The following IFI16 variants were observed in gnomAD, a reference collection of about 807,000 sequenced individuals.
IFI16 encodes the protein gamma-interferon-inducible protein 16.
In IFI16, 49 loss-of-function variants were observed where a neutral mutation model predicts 68.4. The observed-to-expected ratio is 0.72, with a 90% confidence interval of 0.57 to 0.91. IFI16 has a LOEUF of 0.91. Among genes scored for constraint, IFI16 ranks in the 40% least tolerant of loss-of-function variants. The pLI is 0.00. For missense variants in IFI16, 878 were observed against 942.9 expected, an observed-to-expected ratio of 0.93 and a Z score of 0.90; for synonymous variants, 307 against 315.0, an observed-to-expected ratio of 0.97 and a Z score of 0.27.
In IFI16 at chr1:159,016,597, C is replaced by T; in HGVS notation, c.446C>T (p.Thr149Ile). ...GGGAGTAAGGTGTCCGAGGAACAGA[C>T]TCAGCCTCCCTCTCCTGCAGGAGCC... is the stretch of plus-strand genomic sequence containing the variant. ...PKGSKVSEEQ[T>I]QPPSPAGAGM... The change falls in exon 4 of 12, where the codon ACT (threonine) becomes ATT (isoleucine). Residue 149 changes from threonine to isoleucine, a missense_variant. Thr to Ile is a moderately conservative substitution (Grantham distance 89). Transcript: ENST00000295809. 1 of 1,614,144 alleles carries T rather than the reference C, an allele frequency of 6.2e-7. No homozygotes were observed. Among genetic ancestry groups the T allele is most frequent in the Non-Finnish European group, 8.5e-7 (1 of 1,179,984 alleles).
intron 2 of IFI16, 97 bp downstream of exon 2, chr1:159,015,042 TTCCCCAG>T: frequency 8.2e-7 from 1 of 1,219,684 alleles, no homozygotes; most frequent in Admixed American, 2.3e-5. Flanking sequence ...GAGATGTGTT[TTCCCCAG>T]TTTGTGACTC....
chr1:159,020,385 T>A lies in IFI16; in HGVS notation c.1017T>A (p.Asp339Glu). ...QKTTIYEIQD[D>E]RGKMDVVGTG... ...CCACAATCTACGAAATTCAGGATGA[T>A]AGAGGAAAAATGGATGTAGTGGGGA... Residue 339 changes from aspartate to glutamate, a missense_variant, in exon 6 of 12, where the codon GAT becomes GAA. Asp to Glu is a conservative substitution (Grantham distance 45). Around this residue, in one of 4 missense-constraint regions of IFI16, gnomAD observed 443 missense variants for 421.8 expected, o/e 1.05. Transcript: ENST00000295809. The A allele has an allele frequency of 1.9e-6, 3 of 1,612,380 alleles. No individual in the cohort carries two copies. Among genetic ancestry groups the A allele is most frequent in the Non-Finnish European group, 2.5e-6 (3 of 1,179,152 alleles).
At chr1:159,028,925 G>T (rs1653829518) in intron 6 of IFI16, among the ~76,000 whole-genome samples, 1 of 152,084 alleles carries the variant, frequency 6.6e-6, no homozygotes, top group South Asian at 2.1e-4. Flanking sequence ...CTTGGTTGGT[G>T]AATTCTTATT....
chr1:159,031,560 C>G (rs1429800133), intron 6 of IFI16, among the ~76,000 whole-genome samples: 1 of 152,206 alleles, frequency 6.6e-6, no homozygotes, highest in Non-Finnish European at 1.5e-5. Flanking sequence ...CTAAATTCAC[C>G]TTAGCTCCAG....
chr1:159,020,499 A>G lies in IFI16; in HGVS notation c.1131A>G (p.Lys377=). Residue 377 remains lysine, a synonymous_variant, in exon 6 of 12, where the codon AAA becomes AAG. Transcript: ENST00000295809. ...FRLRKKNQMS[K]LISEMHSFIQ... is the part of the protein sequence containing the mutation. ...TTAGAAAAAAGAACCAGATGTCAAA[A>G]CTGATTTCAGAAATGCATAGTTTTA... is the stretch of plus-strand genomic sequence containing the variant. 6.2e-7 allele frequency: 1 copy of G among 1,612,520 alleles called. No homozygotes were observed. Among genetic ancestry groups the G allele is most frequent in the South Asian group, 1.1e-5 (1 of 90,852 alleles).
At chr1:159,031,867 G>A (rs577128048) in intron 6 of IFI16, among the ~76,000 whole-genome samples, 1 of 152,282 alleles carries the variant, frequency 6.6e-6, no homozygotes, top group Admixed American at 6.5e-5. Context: ...AAATTAGGAG[G>A]GTGGGGAACC....
upstream of IFI16, among the ~76,000 whole-genome samples, chr1:159,001,122 A>G (rs940621277): frequency 4.6e-5 from 7 of 152,272 alleles, no homozygotes; most frequent in Non-Finnish European, 1.0e-4. Flanking sequence ...TAGGCAATGT[A>G]TATAATTCAG....
chr1:159,048,729 T>C (rs1475323673), intron 8 of IFI16, among the ~76,000 whole-genome samples: 1 of 151,600 alleles, frequency 6.6e-6, no homozygotes, highest in Non-Finnish European at 1.5e-5. Context: ...GGGTGAATAT[T>C]TTTTGGACTT....
intron 1 of IFI16, among the ~76,000 whole-genome samples, chr1:159,012,758 C>A (rs945971171): frequency 1.3e-5 from 2 of 151,966 alleles, no homozygotes; most frequent in Non-Finnish European, 2.9e-5. Flanking sequence ...ACCAATTAGG[C>A]GGGAAGGCAT....
At chr1:159,005,760 T>C (rs573160413), upstream of IFI16, among the ~76,000 whole-genome samples, 1 of 152,318 alleles carries the variant, frequency 6.6e-6, no homozygotes, top group East Asian at 1.9e-4. Context: ...GGAAAATGCA[T>C]ACTGGCACCA....
chr1:159,025,490 T>TA (rs1557869684), intron 6 of IFI16, among the ~76,000 whole-genome samples: 1 of 152,224 alleles, frequency 6.6e-6, no homozygotes. Context: ...GACCATAAAG[T>TA]AAAACTTTTA....
intron 4 of IFI16, among the ~76,000 whole-genome samples, chr1:159,017,066 C>G (rs1167540959): frequency 1.3e-5 from 2 of 152,194 alleles, no homozygotes; most frequent in East Asian, 3.8e-4. Flanking sequence ...TGAGGTTATC[C>G]ATACCCTCAG....
chr1:159,024,591 G>A (rs1653534819), intron 6 of IFI16, among the ~76,000 whole-genome samples: 1 of 152,162 alleles, frequency 6.6e-6, no homozygotes, highest in Non-Finnish European at 1.5e-5. Flanking sequence ...GCAGAAAATC[G>A]ATGCCTTGGC....
rs1557865656 is a variant in IFI16 at position 159,018,671 on chromosome 1, T to C, written c.972+20T>C. 4 of 1,541,360 alleles carry C rather than the reference T, an allele frequency of 2.6e-6. No individual in the cohort carries two copies. Among genetic ancestry groups the C allele is most frequent in the Admixed American group, 2.0e-5 (1 of 50,488 alleles). ...CATAAGGTAAGTCCTCAAAATTGTT[T>C]CGTTTCATTTTTCCACCAACACCTG... On this transcript the variant is annotated intron_variant, in intron 5 of 11. Transcript: ENST00000295809.
intron 7 of IFI16, among the ~76,000 whole-genome samples, chr1:159,035,643 G>C (rs60782895): frequency 0.99 from 150,352 of 152,306 alleles, 74,236 homozygotes; most frequent in East Asian, 1. Flanking sequence ...CTAGTGACTC[G>C]CAGGTGAGTA....
At chr1:159,042,452 C>T (rs553554973) in intron 7 of IFI16, among the ~76,000 whole-genome samples, 1 of 152,270 alleles carries the variant, frequency 6.6e-6, no homozygotes, top group South Asian at 2.1e-4. Flanking sequence ...CTCCTTTGCT[C>T]TCTCACCATA....
chr1:159,027,607 C>T (rs1413534747), intron 6 of IFI16, among the ~76,000 whole-genome samples: 1 of 152,072 alleles, frequency 6.6e-6, no homozygotes. Context: ...AAGACTGGTA[C>T]CAATTATTCT....
chr1:159,022,574 G>T (rs1287795925), intron 6 of IFI16, among the ~76,000 whole-genome samples: 4 of 152,144 alleles, frequency 2.6e-5, no homozygotes, highest in African/African-American at 4.8e-5. Context: ...AGGCATAGGA[G>T]AACAAAGGAA....
In IFI16 at chr1:159,016,566, C is replaced by T. The variant is rs763134243; in HGVS notation, c.415C>T (p.Pro139Ser). 7 of 1,613,016 alleles carry T rather than the reference C, an allele frequency of 4.3e-6. No homozygotes were observed. The highest frequency in any genetic ancestry group is 5.1e-6 in the Non-Finnish European group (6 of 1,179,760). The change falls in exon 4 of 12, where the codon CCC (proline) becomes TCC (serine). Residue 139 changes from proline (P) to serine (S), a missense_variant. Transcript: ENST00000295809. ...AAAATCAACCAAAGAAAAGGCTGGA[C>T]CCAAAGGGAGTAAGGTGTCCGAGGA... is the stretch of plus-strand genomic sequence containing the variant. The part of the protein sequence containing the change: ...RKKSTKEKAG[P>S]KGSKVSEEQT...
Sources: gnomAD v4.1 joint callset for allele counts (sites outside exome capture counted in the v4.1 genomes callset) on GRCh38, gnomAD v4.1.1 for gene constraint, gnomAD v4.1.1 regional missense constraint, MANE v1.5 for transcripts, NCBI Gene and HGNC (gene_info 2026-07-23, HGNC 2026-07-21) for gene names.